SLAIN2: variants seen among roughly 807,000 people sequenced by gnomAD.
SLAIN2 encodes SLAIN family member 2.
A neutral mutation model predicts 56.6 loss-of-function variants in SLAIN2; 31 were observed. The ratio of observed to expected loss-of-function variants is 0.55; its 90% CI spans 0.41 to 0.74. The LOEUF (loss-of-function observed/expected upper bound fraction) is 0.74, where lower values mean the gene tolerates loss of function less well. Among genes scored for constraint, SLAIN2 ranks in the 30% least tolerant of loss-of-function variants. The probability of loss-of-function intolerance (pLI) is 0.00; values close to 1 mark genes in which losing one functional copy is unlikely to be tolerated. For synonymous variants in SLAIN2, 317 were observed against 284.9 expected, an observed-to-expected ratio of 1.11 and a Z score of -1.13; for missense variants, 777 against 754.2, an observed-to-expected ratio of 1.03 and a Z score of -0.35.
At chr4:48,347,391 G>A (rs553106000) in intron 1 of SLAIN2, among the ~76,000 whole-genome samples, 1 of 148,570 alleles carries the variant, frequency 6.7e-6, no homozygotes, top group East Asian at 2.0e-4. Context: ...GACCACAGGC[G>A]CGTGACACCA....
At chr4:48,354,227 C>G (rs1227010314) in intron 1 of SLAIN2, among the ~76,000 whole-genome samples, 2 of 152,028 alleles carry the variant, frequency 1.3e-5, no homozygotes, top group Non-Finnish European at 2.9e-5. Context: ...ACAAAAAGAT[C>G]CTGGGCTATA....
intron 6 of SLAIN2, among the ~76,000 whole-genome samples, chr4:48,413,136 G>C (rs1181956945): frequency 1.3e-5 from 2 of 151,976 alleles, no homozygotes; most frequent in Non-Finnish European, 2.9e-5. Flanking sequence ...GCTGAGGCAC[G>C]AGAGTCGCTT....
intron 1 of SLAIN2, among the ~76,000 whole-genome samples, chr4:48,347,282 T>TGG (rs1560448198): frequency 6.6e-6 from 1 of 152,006 alleles, no homozygotes; most frequent in African/African-American, 2.4e-5. Context: ...GGACCAGGGG[T>TGG]GGGGGTATAA....
In SLAIN2 at chr4:48,400,783, G is replaced by GT. The variant is rs199734705; in HGVS notation, c.1360+17006dup. On this transcript the variant is annotated intron_variant, in intron 6 of 7. Transcript: ENST00000264313. ...TCTAAATTCGTTTGTTTGTTTGTTT[G>GT]TTTTTTTAAGGGTTTTTCTTGTCTC... Among the ~76,000 whole-genome samples, 1,133 of 150,966 alleles carry GT rather than the reference G, an allele frequency of 7.5e-3. 10 individuals carry two copies. Among genetic ancestry groups the GT allele is most frequent in the Middle Eastern group, 0.017 (5 of 292 alleles).
At chr4:48,370,872 T>C (rs755696699) in intron 2 of SLAIN2, among the ~76,000 whole-genome samples, 1 of 152,128 alleles carries the variant, frequency 6.6e-6, no homozygotes, top group African/African-American at 2.4e-5. Flanking sequence ...TAGAAAACAG[T>C]ATGTGCTTTG....
intron 6 of SLAIN2, among the ~76,000 whole-genome samples, chr4:48,408,988 G>T (rs1716776475): frequency 6.6e-6 from 1 of 152,096 alleles, no homozygotes; most frequent in African/African-American, 2.4e-5. Flanking sequence ...ATTGCCTACA[G>T]TATTCAGTAC....
At position 48,377,957 on chromosome 4, in the gene SLAIN2, C is replaced by CAGTA; in HGVS notation, c.603_604insAAGT (p.Pro202LysfsTer6). ...ACTCTATGAGTTACACCAGTCCTTA[C>CAGTA]AGTCCAAATGCCAGTAGCCCATACA... On this transcript the variant is annotated frameshift_variant, in exon 3 of 8. Coordinates refer to ENST00000264313, the MANE Select transcript of SLAIN2 (RefSeq NM_020846.2). LOFTEE classifies it high-confidence loss of function. 1 of 1,613,948 alleles carries CAGTA rather than the reference C, an allele frequency of 6.2e-7. No homozygotes were observed. The highest frequency in any genetic ancestry group is 8.5e-7 in the Non-Finnish European group (1 of 1,179,862).
Position 48,422,128 on chromosome 4 carries a change from C to T in SLAIN2, c.*51C>T. On this transcript the variant is annotated 3_prime_UTR_variant, in exon 8 of 8. Coordinates refer to ENST00000264313, the MANE Select transcript of SLAIN2 (RefSeq NM_020846.2). ...CCACGGCTTCATGGATACCCTTCAC[C>T]AGGCTAAAAAACAACTTTTATATGC... The T allele has an allele frequency of 6.6e-6, 10 of 1,505,156 alleles. No homozygotes were observed. Among genetic ancestry groups the T allele is most frequent in the Non-Finnish European group, 9.1e-6 (10 of 1,094,912 alleles). The allele number at this position is 1,505,156 out of a possible 1,614,324, so 93.2% of individuals were successfully genotyped here.
intron 6 of SLAIN2, among the ~76,000 whole-genome samples, chr4:48,393,784 T>C (rs1169143771): frequency 6.6e-6 from 1 of 152,098 alleles, no homozygotes; most frequent in African/African-American, 2.4e-5. Flanking sequence ...TAACTGTATA[T>C]TGGGGAAATT....
chr4:48,423,929 C>T lies in SLAIN2; in HGVS notation c.*1852C>T, dbSNP rs1248017621. 8 of 152,084 alleles carry T rather than the reference C, an allele frequency of 5.3e-5. No individual in the cohort carries two copies. Among genetic ancestry groups the T allele is most frequent in the Admixed American group, 5.2e-4 (8 of 15,258 alleles). 9.4% of individuals were successfully genotyped at this position (152,084 alleles called of 1,614,324 possible). A position where few individuals can be genotyped will look rare whatever the true frequency, so the allele number is the denominator to read the frequency against. ...CTAAGTAAGTAAAAGAAAGAAGTAG[C>T]TACTGTCTCTTTTAAAAACCACGTA... On this transcript the variant is annotated 3_prime_UTR_variant, in exon 8 of 8. Transcript: ENST00000264313.
At chr4:48,381,458 TC>T (rs1199526403) in intron 4 of SLAIN2, among the ~76,000 whole-genome samples, 1 of 152,174 alleles carries the variant, frequency 6.6e-6, no homozygotes, top group East Asian at 1.9e-4. Flanking sequence ...TCAAGGTCAT[TC>T]GTTTTTAAGA....
At chr4:48,419,526 G>A (rs1469293978) in intron 6 of SLAIN2, among the ~76,000 whole-genome samples, 1 of 152,146 alleles carries the variant, frequency 6.6e-6, no homozygotes, top group African/African-American at 2.4e-5. Flanking sequence ...TCAGTTTTGA[G>A]TAGTTGGGAT....
At chr4:48,376,631 T>C (rs1715820342) in intron 2 of SLAIN2, among the ~76,000 whole-genome samples, 1 of 141,602 alleles carries the variant, frequency 7.1e-6, no homozygotes, top group South Asian at 2.3e-4. Flanking sequence ...TTTTTTTTTT[T>C]TTTTTTTTGA....
intron 6 of SLAIN2, among the ~76,000 whole-genome samples, chr4:48,418,317 A>G (rs531511106): frequency 6.6e-6 from 1 of 152,124 alleles, no homozygotes; most frequent in African/African-American, 2.4e-5. Flanking sequence ...GTTCTTTATG[A>G]GGTTGAGGAA....
intron 6 of SLAIN2, among the ~76,000 whole-genome samples, chr4:48,398,535 A>G (rs376146837): frequency 6.0e-4 from 91 of 152,258 alleles, no homozygotes; most frequent in African/African-American, 2.0e-3. Context: ...GTTTGTTGCA[A>G]TTGCTTTTGG....
intron 2 of SLAIN2, among the ~76,000 whole-genome samples, chr4:48,376,774 C>T (rs2109758314): frequency 6.6e-6 from 1 of 151,324 alleles, no homozygotes; most frequent in South Asian, 2.1e-4. Flanking sequence ...AGGCGCCCGC[C>T]ACCACACCTG....
At chr4:48,345,716 T>C (rs1338895297) in intron 1 of SLAIN2, among the ~76,000 whole-genome samples, 1 of 151,890 alleles carries the variant, frequency 6.6e-6, no homozygotes, top group Non-Finnish European at 1.5e-5. Context: ...TATAAGGCTT[T>C]TAAATTTCCT....
intron 6 of SLAIN2, among the ~76,000 whole-genome samples, chr4:48,394,158 CA>C (rs1716316334): frequency 6.6e-6 from 1 of 152,194 alleles, no homozygotes; most frequent in South Asian, 2.1e-4. Flanking sequence ...CACATTAGGG[CA>C]ATTCATCTAA....
intron 6 of SLAIN2, among the ~76,000 whole-genome samples, chr4:48,418,864 G>A (rs946913486): frequency 1.3e-5 from 2 of 148,918 alleles, no homozygotes; most frequent in African/African-American, 4.9e-5. Context: ...GTGTGTGTGT[G>A]TATGTACACA....
Sources: allele counts gnomAD v4.1 joint callset (sites outside exome capture counted in the v4.1 genomes callset), GRCh38; gene constraint gnomAD v4.1.1; transcripts MANE v1.5; gene names NCBI Gene and HGNC (gene_info 2026-07-23, HGNC 2026-07-21).